Variants in DOK6 observed in about 807,000 individuals in gnomAD.
The protein encoded by DOK6 is downstream of tyrosine kinase 6.
Under a neutral mutation model 44.0 loss-of-function variants are expected in DOK6, and 22 were observed. That is an observed-to-expected ratio of 0.50 (90% CI 0.36 to 0.71). DOK6 has a LOEUF of 0.71. Among genes scored for constraint, DOK6 ranks in the 30% least tolerant of loss-of-function variants. The probability of loss-of-function intolerance (pLI) is 0.00; values close to 1 mark genes in which losing one functional copy is unlikely to be tolerated. For missense variants in DOK6, 340 were observed against 416.4 expected, an observed-to-expected ratio of 0.82 and a Z score of 1.60; for synonymous variants, 166 against 145.5, an observed-to-expected ratio of 1.14 and a Z score of -1.01.
rs967120138 is a variant in DOK6 at position 69,431,933 on chromosome 18, A to G, written c.66+30623A>G. Among the ~76,000 whole-genome samples, 9 of 152,218 alleles carry G rather than the reference A, an allele frequency of 5.9e-5. No homozygotes were observed. In the East Asian group the frequency reaches 9.6e-4, roughly 16 times the overall value. On this transcript the variant is annotated intron_variant, in intron 1 of 7. Coordinates refer to ENST00000382713, the MANE Select transcript of DOK6 (RefSeq NM_152721.6). ...TTACATAAGCACAGAATAATTATCT[A>G]TCTTAATTTTTTGTTTTGCAGGTAT...
rs76194785 is a variant in DOK6, at chr18:69,788,645, G to A, written c.856+30772G>A. Reference sequence around the variant, plus strand: ...ATTTGGAAGACTGGCAAAAGTGTTCGGCATAAAACAATATGCATTAGTGTA... The same window carrying A: ...ATTTGGAAGACTGGCAAAAGTGTTCAGCATAAAACAATATGCATTAGTGTA... On this transcript the variant is annotated intron_variant, in intron 7 of 7. Coordinates refer to ENST00000382713, the MANE Select transcript of DOK6 (RefSeq NM_152721.6). 2.5e-3 allele frequency among the ~76,000 whole-genome samples: 388 copies of A among 152,186 alleles called. 2 individuals carry two copies. Among genetic ancestry groups the A allele is most frequent in the African/African-American group, 8.9e-3 (368 of 41,528 alleles).
intron 5 of DOK6, among the ~76,000 whole-genome samples, chr18:69,735,043 C>G (rs1488095791): frequency 2.0e-5 from 3 of 152,188 alleles, no homozygotes; most frequent in Admixed American, 6.5e-5. Flanking sequence ...CTAAGAGAAC[C>G]ATGAATAGTG....
chr18:69,607,728 A>G (rs1984036600), intron 3 of DOK6, among the ~76,000 whole-genome samples: 1 of 152,204 alleles, frequency 6.6e-6, no homozygotes, highest in Non-Finnish European at 1.5e-5. Context: ...AACTGTGTGC[A>G]TAATCTAGGG....
chr18:69,621,369 T>C (rs1376554653), intron 3 of DOK6, among the ~76,000 whole-genome samples: 2 of 152,236 alleles, frequency 1.3e-5, no homozygotes, highest in Non-Finnish European at 2.9e-5. Context: ...CTTATTATTT[T>C]AATTTCCTTC....
At chr18:69,540,848 T>C (rs186754100) in intron 1 of DOK6, among the ~76,000 whole-genome samples, 1 of 152,308 alleles carries the variant, frequency 6.6e-6, no homozygotes, top group Non-Finnish European at 1.5e-5. Context: ...TTTGTAATAT[T>C]TCTCTCTTTC....
chr18:69,415,850 T>C (rs573412789), intron 1 of DOK6, among the ~76,000 whole-genome samples: 57 of 152,230 alleles, frequency 3.7e-4, no homozygotes, highest in Middle Eastern at 3.4e-3. Flanking sequence ...TTACTAAACA[T>C]GTAAAAGATT....
At chr18:69,407,452 CTCACTTTAG>C (rs1356435583) in intron 1 of DOK6, among the ~76,000 whole-genome samples, 1 of 152,078 alleles carries the variant, frequency 6.6e-6, no homozygotes, top group Non-Finnish European at 1.5e-5. Flanking sequence ...TTACTTGTGC[CTCACTTTAG>C]TCACAGTATT....
At chr18:69,606,757 ATTT>A (rs71176989) in intron 3 of DOK6, among the ~76,000 whole-genome samples, 140 of 115,148 alleles carry the variant, frequency 1.2e-3, no homozygotes, top group Middle Eastern at 5.2e-3. Context: ...TTCAAAAAGG[ATTT>A]TTTTTTTTTT....
chr18:69,743,272 A>G (rs558682424), intron 6 of DOK6, among the ~76,000 whole-genome samples: 1 of 152,364 alleles, frequency 6.6e-6, no homozygotes, highest in African/African-American at 2.4e-5. Flanking sequence ...ATCTCTAGAA[A>G]TGTTTCCATT....
intron 7 of DOK6, among the ~76,000 whole-genome samples, chr18:69,790,120 T>C (rs1164083040): frequency 2.6e-5 from 4 of 152,102 alleles, no homozygotes; most frequent in African/African-American, 9.7e-5. Context: ...AAGGAGAGGA[T>C]GTCTCTTAAT....
At chr18:69,834,309 T>C (rs1210631566) in intron 7 of DOK6, among the ~76,000 whole-genome samples, 1 of 152,318 alleles carries the variant, frequency 6.6e-6, no homozygotes, top group East Asian at 1.9e-4. Context: ...CTCACTCATA[T>C]GTGAGAGCTG....
intron 3 of DOK6, among the ~76,000 whole-genome samples, chr18:69,603,274 A>T (rs1203543310): frequency 1.3e-5 from 2 of 152,216 alleles, no homozygotes; most frequent in Non-Finnish European, 2.9e-5. Flanking sequence ...AGGTTACAAG[A>T]TGGCTTACCT....
intron 3 of DOK6, among the ~76,000 whole-genome samples, chr18:69,658,375 G>T (rs904656474): frequency 2.0e-5 from 3 of 152,138 alleles, no homozygotes; most frequent in Admixed American, 6.5e-5. Flanking sequence ...TCTATTTCTT[G>T]TTGGGAGTCA....
chr18:69,667,456 A>G (rs1243863743), intron 3 of DOK6, among the ~76,000 whole-genome samples: 1 of 152,208 alleles, frequency 6.6e-6, no homozygotes, highest in Non-Finnish European at 1.5e-5. Context: ...GGGAAGCCTA[A>G]CAAAAACTTT....
intron 7 of DOK6, among the ~76,000 whole-genome samples, chr18:69,780,924 A>G (rs1380862665): frequency 6.6e-6 from 1 of 152,206 alleles, no homozygotes; most frequent in African/African-American, 2.4e-5. Context: ...TGTCTATGGT[A>G]GAGCCATGTG....
At chr18:69,405,135 C>T (rs1307050040) in intron 1 of DOK6, among the ~76,000 whole-genome samples, 2 of 152,148 alleles carry the variant, frequency 1.3e-5, no homozygotes, top group African/African-American at 2.4e-5. Flanking sequence ...TGTGGATTCA[C>T]CTACCTCTTG....
At chr18:69,459,099 A>ACC (rs75585225) in intron 1 of DOK6, among the ~76,000 whole-genome samples, 10 of 98,054 alleles carry the variant, frequency 1.0e-4, no homozygotes, top group African/African-American at 2.6e-4. Flanking sequence ...CCCCCCAACA[A>ACC]CCCCCCCCCC....
At chr18:69,792,588 G>A (rs1980633052) in intron 7 of DOK6, among the ~76,000 whole-genome samples, 1 of 151,994 alleles carries the variant, frequency 6.6e-6, no homozygotes, top group Non-Finnish European at 1.5e-5. Context: ...TTTTGGTGGA[G>A]TCCTTAGTTT....
intron 1 of DOK6, among the ~76,000 whole-genome samples, chr18:69,473,630 G>A (rs1006798823): frequency 2.6e-5 from 4 of 152,182 alleles, no homozygotes; most frequent in African/African-American, 9.7e-5. Flanking sequence ...ATAGTGGCTC[G>A]CTGGCAGACC....
Sources: gnomAD v4.1 joint callset for allele counts (sites outside exome capture counted in the v4.1 genomes callset) on GRCh38, gnomAD v4.1.1 for gene constraint, MANE v1.5 for transcripts, NCBI Gene and HGNC (gene_info 2026-07-23, HGNC 2026-07-21) for gene names.